Variants in DLG2 observed in about 807,000 individuals in gnomAD.
DLG2 encodes the protein disks large homolog 2.
A neutral mutation model predicts 132.5 loss-of-function variants in DLG2; 45 were observed. The observed-to-expected ratio is 0.34, with a 90% CI of 0.27 to 0.44. DLG2 has a LOEUF of 0.44. Among genes scored for constraint, DLG2 ranks in the 20% least tolerant of loss-of-function variants. DLG2 has a pLI of 1.00. For synonymous variants in DLG2, 424 were observed against 419.6 expected (o/e 1.01, Z -0.13); for missense variants, 1,045 against 1,196.9 (o/e 0.87, Z 1.87).
At chr11:83,608,257 C>A (rs898276392) in intron 19 of DLG2, among the ~76,000 whole-genome samples, 1 of 152,084 alleles carries the variant, frequency 6.6e-6, no homozygotes, top group East Asian at 1.9e-4. Flanking sequence ...AATTAGCCTA[C>A]AGTGGGCAAA....
At chr11:84,673,710 A>T (rs1382679403) in intron 6 of DLG2, among the ~76,000 whole-genome samples, 1 of 152,096 alleles carries the variant, frequency 6.6e-6, no homozygotes, top group Non-Finnish European at 1.5e-5. Flanking sequence ...AATTTGAACC[A>T]AGATGATAAA....
chr11:84,237,089 C>T (rs550421800), intron 8 of DLG2, among the ~76,000 whole-genome samples: 10 of 152,068 alleles, frequency 6.6e-5, no homozygotes, highest in Admixed American at 1.3e-4. Flanking sequence ...CCACCACCCC[C>T]GGCTAATTTT....
rs181962689 is a variant in DLG2, at chr11:83,775,907, A to G, written c.1825+10783T>C. Among the ~76,000 whole-genome samples, 9 of 152,232 alleles carry G rather than the reference A, an allele frequency of 5.9e-5. No homozygotes were observed. In the East Asian group the frequency reaches 1.7e-3, roughly 29 times the overall value. ...GGAGATCGAGACCATCCTGGCTAAT[A>G]CGGTGAAACCTCGTCTCTACTAAAA... On this transcript the variant is annotated intron_variant, in intron 18 of 27. Coordinates refer to ENST00000376104, the MANE Select transcript of DLG2 (RefSeq NM_001142699.3).
intron 3 of DLG2, among the ~76,000 whole-genome samples, chr11:85,464,219 A>T (rs1002525411): frequency 1.3e-5 from 2 of 152,166 alleles, no homozygotes; most frequent in African/African-American, 4.8e-5. Context: ...GCATTTTGTA[A>T]TCACCAGATG....
At chr11:84,242,349 T>G (rs1210564342) in intron 8 of DLG2, among the ~76,000 whole-genome samples, 5 of 152,146 alleles carry the variant, frequency 3.3e-5, no homozygotes, top group South Asian at 2.1e-4. Flanking sequence ...CTGTTGGTTT[T>G]TTTTTGTTTT....
chr11:84,601,166 T>C (rs1417897176), intron 6 of DLG2, among the ~76,000 whole-genome samples: 2 of 152,052 alleles, frequency 1.3e-5, no homozygotes, highest in Admixed American at 1.3e-4. Context: ...GAAATTATAT[T>C]TGGTGTTGAC....
In DLG2 at chr11:84,978,753, G is replaced by A. The variant is rs573572676; in HGVS notation, c.357+132908C>T. 6.6e-5 allele frequency among the ~76,000 whole-genome samples: 10 copies of A among 152,214 alleles called. No individual in the cohort carries two copies. In the East Asian group the frequency reaches 1.9e-3, roughly 29 times the overall value. On this transcript the variant is annotated intron_variant, in intron 6 of 27. Coordinates refer to ENST00000376104, the MANE Select transcript of DLG2 (RefSeq NM_001142699.3). ...CAATACCTTTCAGGACACAGGCATGGGCAAGGACGTCATGTCTAAAACACC... is the reference window on the plus strand; with the variant it reads ...CAATACCTTTCAGGACACAGGCATGAGCAAGGACGTCATGTCTAAAACACC...
intron 6 of DLG2, among the ~76,000 whole-genome samples, chr11:84,982,205 G>A (rs185931750): frequency 1.9e-4 from 26 of 136,424 alleles, no homozygotes; most frequent in African/African-American, 6.3e-4. Context: ...AATTCTAATA[G>A]CTACCTCAAA....
intron 8 of DLG2, among the ~76,000 whole-genome samples, chr11:84,250,741 C>T (rs2097361372): frequency 6.6e-6 from 1 of 152,202 alleles, no homozygotes; most frequent in African/African-American, 2.4e-5. Flanking sequence ...CCTATTATCT[C>T]ATGCTCATGC....
chr11:85,438,957 T>C (rs755221692), intron 3 of DLG2, among the ~76,000 whole-genome samples: 9 of 152,190 alleles, frequency 5.9e-5, no homozygotes, highest in Non-Finnish European at 1.2e-4. Flanking sequence ...ACCTTTTTGT[T>C]TTGGCTTTTT....
chr11:84,067,289 G>A (rs752087562), intron 10 of DLG2, among the ~76,000 whole-genome samples: 14 of 152,094 alleles, frequency 9.2e-5, no homozygotes, highest in East Asian at 3.9e-4. Context: ...AGCCAAGACC[G>A]CGCCACTGCA....
At chr11:84,744,915 A>AG (rs1284264399) in intron 6 of DLG2, among the ~76,000 whole-genome samples, 1 of 151,030 alleles carries the variant, frequency 6.6e-6, no homozygotes, top group Non-Finnish European at 1.5e-5. Flanking sequence ...AAAAAAAAAA[A>AG]AAAAGAAACC....
intron 3 of DLG2, among the ~76,000 whole-genome samples, chr11:85,461,119 C>A (rs535905610): frequency 1.3e-5 from 2 of 152,180 alleles, no homozygotes; most frequent in Admixed American, 1.3e-4. Flanking sequence ...TGGATTCCTA[C>A]GGAAGTTATA....
At chr11:85,046,444 A>T (rs2062355956) in intron 6 of DLG2, among the ~76,000 whole-genome samples, 1 of 151,984 alleles carries the variant, frequency 6.6e-6, no homozygotes, top group African/African-American at 2.4e-5. Flanking sequence ...TGACCAGTGA[A>T]GCAAAACCAA....
intron 4 of DLG2, among the ~76,000 whole-genome samples, chr11:85,154,952 T>A (rs2077495801): frequency 6.6e-6 from 1 of 152,198 alleles, no homozygotes; most frequent in Non-Finnish European, 1.5e-5. Flanking sequence ...TGAGCATGGT[T>A]AATGGGAAGA....
chr11:84,231,342 T>C (rs1320589934), intron 8 of DLG2, among the ~76,000 whole-genome samples: 1 of 152,162 alleles, frequency 6.6e-6, no homozygotes, highest in Non-Finnish European at 1.5e-5. Context: ...TTCATTTACA[T>C]GAGGGGAAAA....
intron 18 of DLG2, among the ~76,000 whole-genome samples, chr11:83,641,032 C>T (rs1199439485): frequency 6.6e-6 from 1 of 152,182 alleles, no homozygotes; most frequent in African/African-American, 2.4e-5. Flanking sequence ...TACCCCCATA[C>T]ATTGTTGTTC....
chr11:84,539,386 C>T (rs764053754), intron 6 of DLG2, among the ~76,000 whole-genome samples: 70 of 152,266 alleles, frequency 4.6e-4, no homozygotes, highest in Middle Eastern at 6.8e-3. Context: ...CCCTAACATT[C>T]TGGGTAATTC....
chr11:84,608,679 G>C (rs1286136241), intron 6 of DLG2, among the ~76,000 whole-genome samples: 5 of 152,138 alleles, frequency 3.3e-5, no homozygotes, highest in Non-Finnish European at 7.4e-5. Flanking sequence ...AGGGCCACTT[G>C]ACAAAGTCAG....
Sources: gnomAD v4.1 joint callset for allele counts (sites outside exome capture counted in the v4.1 genomes callset) on GRCh38, gnomAD v4.1.1 for gene constraint, MANE v1.5 for transcripts, NCBI Gene and HGNC (gene_info 2026-07-23, HGNC 2026-07-21) for gene names.